The following PARG variants were observed in gnomAD, a reference collection of about 807,000 sequenced individuals.
PARG encodes poly(ADP-ribose) glycohydrolase.
A neutral mutation model predicts 113.0 loss-of-function variants in PARG; 35 were observed. That is an observed-to-expected ratio of 0.31 (90% confidence interval 0.24 to 0.41). PARG has a LOEUF of 0.41. Ranked by LOEUF, PARG falls within the 10% of genes least tolerant of loss-of-function variation. PARG has a pLI of 1.00. For synonymous variants in PARG, 330 were observed against 409.9 expected (o/e 0.81, Z 2.36); for missense variants, 797 against 1,169.4 (o/e 0.68, Z 4.64).
chr10:49,862,752 C>T (rs1426318964), intron 11 of PARG, among the ~76,000 whole-genome samples: 1 of 151,638 alleles, frequency 6.6e-6, no homozygotes, highest in Non-Finnish European at 1.5e-5. Flanking sequence ...CTCACTCAAG[C>T]TCTGAATCAG....
chr10:49,906,092 C>CG (rs1228195926), intron 7 of PARG, among the ~76,000 whole-genome samples: 1 of 149,776 alleles, frequency 6.7e-6, no homozygotes, highest in Non-Finnish European at 1.5e-5. Context: ...TTCAAAGGAA[C>CG]GAAGACTGTT....
chr10:49,899,859 C>G (rs1564642406), intron 7 of PARG, among the ~76,000 whole-genome samples: 1 of 152,100 alleles, frequency 6.6e-6, no homozygotes, highest in Non-Finnish European at 1.5e-5. Context: ...GTTTATGACT[C>G]AAATCTGGGA....
At position 49,845,119 on chromosome 10, in the gene PARG, G is replaced by A. The variant is rs186178375; in HGVS notation, c.2354-1487C>T. Among the ~76,000 whole-genome samples, 51 of 152,320 alleles carry A rather than the reference G, an allele frequency of 3.3e-4. No homozygotes were observed. In the East Asian group the frequency reaches 6.9e-3, roughly 21 times the overall value. On this transcript the variant is annotated intron_variant, in intron 13 of 17. Coordinates refer to ENST00000616448, the MANE Select transcript of PARG (RefSeq NM_003631.5). ...ATAAAAACGAATGACAACACTAAATGTTGACGAGGATGGAAAACAAGTGGA... is the reference window on the plus strand; with the variant it reads ...ATAAAAACGAATGACAACACTAAATATTGACGAGGATGGAAAACAAGTGGA...
At chr10:49,825,655 C>A (rs1844316547) in intron 16 of PARG, among the ~76,000 whole-genome samples, 1 of 152,072 alleles carries the variant, frequency 6.6e-6, no homozygotes, top group African/African-American at 2.4e-5. Flanking sequence ...GAAGATGGAG[C>A]CAAGTTTGAA....
chr10:49,924,525 A>G (rs1279695982), intron 4 of PARG, among the ~76,000 whole-genome samples: 1 of 147,418 alleles, frequency 6.8e-6, no homozygotes, highest in Admixed American at 6.7e-5. Context: ...TGAAACAAAA[A>G]TAAAATTCTA....
chr10:49,914,861 G>C (rs1357042665), intron 7 of PARG, among the ~76,000 whole-genome samples: 1 of 152,170 alleles, frequency 6.6e-6, no homozygotes, highest in East Asian at 1.9e-4. Context: ...AACAAATGGT[G>C]CTGGGACAAC....
intron 15 of PARG, among the ~76,000 whole-genome samples, chr10:49,835,112 T>C (rs924686580): frequency 4.0e-5 from 6 of 151,886 alleles, no homozygotes; most frequent in Non-Finnish European, 8.8e-5. Flanking sequence ...CTTTTATGAG[T>C]AGGAATTGAA....
chr10:49,821,855 A>G (rs925549799), intron 16 of PARG, among the ~76,000 whole-genome samples: 2 of 152,196 alleles, frequency 1.3e-5, no homozygotes, highest in Admixed American at 1.3e-4. Context: ...CATTGAAGGG[A>G]AAGGAAGAAG....
intron 16 of PARG, among the ~76,000 whole-genome samples, chr10:49,827,447 A>G (rs1431465274): frequency 2.0e-5 from 3 of 152,204 alleles, no homozygotes; most frequent in African/African-American, 7.2e-5. Flanking sequence ...CAAGGGAGAG[A>G]ATACAGTCAC....
At position 49,935,069 on chromosome 10, in the gene PARG, T is replaced by C; in HGVS notation, c.284+7A>G. On this transcript the variant is annotated splice_region_variant and intron_variant, in intron 2 of 17. Transcript: ENST00000616448. The stretch of plus-strand genomic sequence containing the variant: ...ATTCATTTCTCTACATAGGAATGTT[T>C]CTATACCTTTCTGATTCCGCTGTCT... 1.4e-6 allele frequency: 1 copy of C among 730,940 alleles called. No homozygotes were observed. Among genetic ancestry groups the C allele is most frequent in the Admixed American group, 2.1e-5 (1 of 48,060 alleles). 45.3% of individuals were successfully genotyped at this position (730,940 alleles called of 1,614,324 possible). A position where few individuals can be genotyped will look rare whatever the true frequency, so the allele number is the denominator to read the frequency against.
At chr10:49,868,908 C>G (rs1321301781) in intron 10 of PARG, among the ~76,000 whole-genome samples, 1 of 151,992 alleles carries the variant, frequency 6.6e-6, no homozygotes, top group African/African-American at 2.4e-5. Context: ...CAATACCAAT[C>G]TATTATCAGC....
intron 13 of PARG, among the ~76,000 whole-genome samples, chr10:49,846,193 T>G (rs1362503317): frequency 5.2e-4 from 78 of 150,772 alleles, no homozygotes; most frequent in African/African-American, 1.8e-3. Flanking sequence ...CATAGATAGA[T>G]CTCACATTAC....
chr10:49,905,346 AT>A (rs2132772236), intron 7 of PARG, among the ~76,000 whole-genome samples: 1 of 152,364 alleles, frequency 6.6e-6, no homozygotes, highest in African/African-American at 2.4e-5. Flanking sequence ...CCTAGTTAAG[AT>A]TGAATAACAT....
chr10:49,937,686 C>A (rs1426422086), intron 1 of PARG, among the ~76,000 whole-genome samples: 1 of 152,090 alleles, frequency 6.6e-6, no homozygotes, highest in Non-Finnish European at 1.5e-5. Flanking sequence ...TCATGAAAAA[C>A]CAGGAGTGTT....
intron 8 of PARG, among the ~76,000 whole-genome samples, chr10:49,883,858 GCTAGCTTC>G (rs1847332591): frequency 6.9e-6 from 1 of 144,628 alleles, no homozygotes; most frequent in Non-Finnish European, 1.5e-5. Context: ...CTGGGTACTG[GCTAGCTTC>G]CAATGAACAG....
chr10:49,937,176 T>C, intron 1 of PARG, among the ~76,000 whole-genome samples: 1 of 152,204 alleles, frequency 6.6e-6, no homozygotes, highest in East Asian at 1.9e-4. Context: ...CAAGTATAGT[T>C]TAGAAAATCC....
intron 15 of PARG, among the ~76,000 whole-genome samples, chr10:49,840,503 C>T (rs997234229): frequency 3.3e-5 from 5 of 151,546 alleles, no homozygotes; most frequent in East Asian, 3.9e-4. Flanking sequence ...CACCAAAGGC[C>T]GGTCTTTCTG....
At chr10:49,926,986 G>A (rs1311179039) in intron 4 of PARG, among the ~76,000 whole-genome samples, 1 of 152,032 alleles carries the variant, frequency 6.6e-6, no homozygotes, top group Non-Finnish European at 1.5e-5. Flanking sequence ...GTGTACTCAG[G>A]TTCAGTTTAG....
At chr10:49,893,016 A>G (rs1847886946) in intron 7 of PARG, among the ~76,000 whole-genome samples, 1 of 152,226 alleles carries the variant, frequency 6.6e-6, no homozygotes, top group African/African-American at 2.4e-5. Context: ...GGTTTTGGCT[A>G]TTATAAGTAA....
Sources: allele counts gnomAD v4.1 joint callset (sites outside exome capture counted in the v4.1 genomes callset), GRCh38; gene constraint gnomAD v4.1.1; transcripts MANE v1.5; gene names NCBI Gene and HGNC (gene_info 2026-07-23, HGNC 2026-07-21).